Variants in IQSEC2 observed in about 807,000 individuals in gnomAD.
The protein encoded by IQSEC2 is IQ motif and Sec7 domain ArfGEF 2, also known as IQ motif and SEC7 domain-containing protein 2.
Under a neutral mutation model 74.6 loss-of-function variants are expected in IQSEC2, and 6 were observed. The observed-to-expected ratio is 0.08, with a 90% CI of 0.04 to 0.16. The LOEUF (loss-of-function observed/expected upper bound fraction) is 0.16. IQSEC2 is among the 10% of genes least tolerant of loss of function. The pLI, the probability that IQSEC2 is intolerant of heterozygous loss-of-function variation, is 1.00. For synonymous variants in IQSEC2, 494 were observed against 544.5 expected (o/e 0.91, Z 1.29); for missense variants, 734 against 1,306.2 (o/e 0.56, Z 6.75).
chrX:53,299,757 C>CA (rs1227979170), intron 1 of IQSEC2, among the ~76,000 whole-genome samples: 3 of 105,183 alleles, frequency 2.9e-5, no homozygotes, highest in Non-Finnish European at 5.9e-5. Flanking sequence ...AAAGACAAGA[C>CA]TTTTTTTTTT....
At chrX:53,275,137 A>AT (rs1435846375) in intron 2 of IQSEC2, among the ~76,000 whole-genome samples, 2 of 110,625 alleles carry the variant, frequency 1.8e-5, no homozygotes, top group Non-Finnish European at 3.8e-5. Flanking sequence ...AATATTCCAG[A>AT]TTTTTTTCTG....
intron 2 of IQSEC2, among the ~76,000 whole-genome samples, chrX:53,275,308 A>C (rs998682933): frequency 6.3e-5 from 7 of 110,876 alleles, no homozygotes; most frequent in African/African-American, 1.6e-4. Flanking sequence ...GATTACAGGC[A>C]TGTGCCACCA....
intron 14 of IQSEC2, 111 bp downstream of exon 14, chrX:53,235,672 C>T: frequency 1.2e-6 from 1 of 821,245 alleles, no homozygotes; most frequent in East Asian, 3.4e-5. Flanking sequence ...GAGGCAGCCG[C>T]ATGGTTCCCA....
chrX:53,242,234 G>C (rs1556861044), intron 9 of IQSEC2, among the ~76,000 whole-genome samples: 4 of 109,480 alleles, frequency 3.7e-5, no homozygotes, highest in Non-Finnish European at 7.6e-5. Flanking sequence ...AGGAGTTCGA[G>C]ATCAGCCTGG....
intron 4 of IQSEC2, 66 bp downstream of exon 4, chrX:53,254,464 T>C: frequency 9.3e-7 from 1 of 1,075,111 alleles, no homozygotes; most frequent in Non-Finnish European, 1.2e-6. Flanking sequence ...GCAATCTAGG[T>C]AAAAAGTAGC....
intron 1 of IQSEC2, among the ~76,000 whole-genome samples, chrX:53,316,548 C>T (rs1293933436): frequency 3.6e-5 from 4 of 111,063 alleles, no homozygotes; most frequent in South Asian, 3.8e-4. Flanking sequence ...AAGAATACCA[C>T]GTTGGGCCGG....
Position 53,234,313 on chromosome X carries a change from TG to T in IQSEC2, c.4372del (p.His1458MetfsTer37). The T allele has an allele frequency of 2.5e-5, 7 of 275,339 alleles. No individual in the cohort carries two copies. Among genetic ancestry groups the T allele is most frequent in the Non-Finnish European group, 3.5e-5 (7 of 197,517 alleles). 22.7% of individuals were successfully genotyped at this position (275,339 alleles called of 1,213,427 possible). A position where few individuals can be genotyped will look rare whatever the true frequency, so the allele number is the denominator to read the frequency against. ...GGGCCCAGAGGCGTGCAGCGGGCCA[TG>T]GGGGGAGGTGGGTGGAAGGGGTGAG... ...PHSPLPPTSP[H>X]GPLHASGPPG... On this transcript the variant is annotated frameshift_variant, in exon 15 of 15. Coordinates refer to ENST00000642864, the MANE Select transcript of IQSEC2 (RefSeq NM_001111125.3). LOFTEE classifies it high-confidence loss of function.
rs1010523387 is a variant in IQSEC2 at position 53,243,527 on chromosome X, G to C, written c.2750-56C>G. 1.2e-5 allele frequency: 13 copies of C among 1,115,173 alleles called. No individual in the cohort carries two copies. In the African/African-American group the frequency reaches 2.4e-4, roughly 21 times the overall value. 91.9% of individuals were successfully genotyped at this position (1,115,173 alleles called of 1,213,427 possible). On this transcript the variant is annotated intron_variant, in intron 8 of 14. Transcript: ENST00000642864. ...ACATAATTATGGGCACTGGGTGGTA[G>C]GGGTGCTCCACCACCCCCACACCCA...
chrX:53,314,491 C>A (rs147533814), intron 1 of IQSEC2, among the ~76,000 whole-genome samples: 2 of 111,497 alleles, frequency 1.8e-5, no homozygotes, highest in Admixed American at 1.9e-4. Flanking sequence ...CAAGGATAGA[C>A]CAAACATCAG....
chrX:53,280,471 G>C (rs2074936903), intron 2 of IQSEC2, among the ~76,000 whole-genome samples: 1 of 110,867 alleles, frequency 9.0e-6, no homozygotes, highest in Non-Finnish European at 1.9e-5. Context: ...GAGAGCGCCA[G>C]AGCAGAGGAG....
chrX:53,241,660 G>A, intron 10 of IQSEC2, 124 bp downstream of exon 10: 1 of 970,106 alleles, frequency 1.0e-6, no homozygotes, highest in Non-Finnish European at 1.4e-6. Context: ...CATGCAGATG[G>A]CATGGCAGAA....
intron 2 of IQSEC2, chrX:53,266,529 C>A (rs2074659726): frequency 2.6e-6 from 2 of 757,073 alleles, no homozygotes; most frequent in African/African-American, 4.7e-5. Context: ...CTGGGTCCTG[C>A]CCCCGTCTGG....
intron 10 of IQSEC2, 77 bp downstream of exon 10, chrX:53,241,707 C>T (rs948896456): frequency 1.5e-5 from 18 of 1,166,497 alleles, no homozygotes; most frequent in South Asian, 1.8e-5. Flanking sequence ...CACACACCTA[C>T]ATCAATATGG....
downstream of IQSEC2, chrX:53,227,889 G>A (rs1556857928): frequency 8.0e-6 from 1 of 124,530 alleles, no homozygotes. Context: ...TAGAAATTAT[G>A]TAGTCTTTGA....
chrX:53,245,026 C>A (rs1372811708), intron 8 of IQSEC2, among the ~76,000 whole-genome samples: 2 of 110,451 alleles, frequency 1.8e-5, no homozygotes, highest in Non-Finnish European at 3.8e-5. Context: ...TGGCAAAATT[C>A]TAGGAGACAG....
chrX:53,269,791 G>A (rs890284819), intron 2 of IQSEC2, among the ~76,000 whole-genome samples: 7 of 110,787 alleles, frequency 6.3e-5, no homozygotes, highest in African/African-American at 2.3e-4. Flanking sequence ...ACTCTCTTCC[G>A]CCCTCGGCTT....
chrX:53,242,595 G>A (rs988259543), intron 9 of IQSEC2, among the ~76,000 whole-genome samples: 6 of 111,297 alleles, frequency 5.4e-5, no homozygotes, highest in East Asian at 5.6e-4. Flanking sequence ...TTCACACCCC[G>A]ACTGGTCTGT....
downstream of IQSEC2, chrX:53,231,073 A>T (rs1348675658): frequency 8.9e-6 from 1 of 112,902 alleles, no homozygotes; most frequent in Non-Finnish European, 1.9e-5. Flanking sequence ...CCATTCATTC[A>T]TTCATTCATT....
intron 8 of IQSEC2, 48 bp downstream of exon 8, chrX:53,246,921 A>C (rs782658107): frequency 1.8e-6 from 2 of 1,135,509 alleles, no homozygotes; most frequent in Non-Finnish European, 2.4e-6. Flanking sequence ...CTTACCCCCC[A>C]CTTTCCCTTT....
Sources: gnomAD v4.1 joint callset for allele counts (sites outside exome capture counted in the v4.1 genomes callset) on GRCh38, gnomAD v4.1.1 for gene constraint, MANE v1.5 for transcripts, NCBI Gene and HGNC (gene_info 2026-07-23, HGNC 2026-07-21) for gene names.